Variants in IFIH1 observed in about 807,000 individuals in gnomAD.
IFIH1 encodes interferon-induced helicase C domain-containing protein 1.
A neutral mutation model predicts 107.4 loss-of-function variants in IFIH1; 125 were observed. The ratio of observed to expected loss-of-function variants is 1.16; its 90% CI spans 1.01 to 1.35. The LOEUF is 1.35. IFIH1 is among the 40% of genes most tolerant of loss of function. IFIH1 has a pLI of 0.00. For missense variants in IFIH1, 1,333 were observed against 1,213.7 expected (o/e 1.10, Z -1.46); for synonymous variants, 458 against 413.2 (o/e 1.11, Z -1.31).
chr2:162,290,963 A>G (rs1177103553), intron 4 of IFIH1, among the ~76,000 whole-genome samples: 5 of 151,862 alleles, frequency 3.3e-5, no homozygotes, highest in African/African-American at 9.7e-5. Context: ...GGCTGGTATC[A>G]ATGAGCCAGG....
chr2:162,267,985 A>T, intron 14 of IFIH1, 102 bp downstream of exon 14: 1 of 749,154 alleles, frequency 1.3e-6, no homozygotes, highest in South Asian at 2.4e-5. Context: ...AGGAAGTTGT[A>T]AAATAAATGA....
Position 162,282,346 on chromosome 2 carries a change from A to C in IFIH1, c.1306+20T>G. On this transcript the variant is annotated intron_variant, in intron 6 of 15. Coordinates refer to ENST00000649979, the MANE Select transcript of IFIH1 (RefSeq NM_022168.4). ...AATATTACTATTAATTTTTTTAAAA[A>C]AATAAACACTTAAACTGACCTGACA... is the stretch of plus-strand genomic sequence containing the variant. The C allele has an allele frequency of 1.3e-6, 2 of 1,520,544 alleles. No individual in the cohort carries two copies. Among genetic ancestry groups the C allele is most frequent in the South Asian group, 1.2e-5 (1 of 80,840 alleles). The allele number at this position is 1,520,544 out of a possible 1,614,324, so 94.2% of individuals were successfully genotyped here. A position where few individuals can be genotyped will look rare whatever the true frequency, so the allele number is the denominator to read the frequency against.
intron 4 of IFIH1, among the ~76,000 whole-genome samples, chr2:162,291,399 A>G (rs1295168303): frequency 2.6e-5 from 4 of 151,838 alleles, no homozygotes; most frequent in African/African-American, 7.2e-5. Flanking sequence ...TTATCTTGAA[A>G]TAGTAAGGAA....
At chr2:162,308,203 G>T (rs760342843) in intron 2 of IFIH1, among the ~76,000 whole-genome samples, 9 of 152,106 alleles carry the variant, frequency 5.9e-5, no homozygotes, top group Admixed American at 2.0e-4. Context: ...CAAGGTGACA[G>T]CAGGGTCAAT....
chr2:162,272,099 A>G (rs1278624180), intron 13 of IFIH1, 127 bp downstream of exon 13: 10 of 738,382 alleles, frequency 1.4e-5, no homozygotes, highest in Non-Finnish European at 2.3e-5. Flanking sequence ...GATTAAGCAC[A>G]GTTCACTAAA....
At chr2:162,293,996 G>C (rs1683043873) in intron 3 of IFIH1, among the ~76,000 whole-genome samples, 1 of 151,694 alleles carries the variant, frequency 6.6e-6, no homozygotes, top group South Asian at 2.1e-4. Context: ...ACACTATTTA[G>C]GTTTGATATG....
At chr2:162,278,133 C>A in intron 9 of IFIH1, 72 bp downstream of exon 9, 1 of 1,325,746 alleles carries the variant, frequency 7.5e-7, no homozygotes. Flanking sequence ...TTTGGGGAAT[C>A]TGTGATATAG....
At chr2:162,292,199 T>C (rs1031971132) in intron 4 of IFIH1, among the ~76,000 whole-genome samples, 1 of 151,844 alleles carries the variant, frequency 6.6e-6, no homozygotes, top group Admixed American at 6.6e-5. Flanking sequence ...CCTATAATGA[T>C]GTTAAATATT....
chr2:162,292,186 C>T (rs1255809735), intron 4 of IFIH1, among the ~76,000 whole-genome samples: 1 of 151,808 alleles, frequency 6.6e-6, no homozygotes, highest in Admixed American at 6.6e-5. Flanking sequence ...AAACTTAAAA[C>T]AACCTATAAT....
intron 1 of IFIH1, 121 bp downstream of exon 1, chr2:162,317,734 C>T: frequency 2.6e-6 from 2 of 767,512 alleles, no homozygotes; most frequent in South Asian, 1.8e-5. Flanking sequence ...GTTGTCTTCT[C>T]AAAGGAAGAA....
At position 162,276,943 on chromosome 2, in the gene IFIH1, T is replaced by C; in HGVS notation, c.2048A>G (p.Asn683Ser). The C allele has an allele frequency of 2.5e-6, 4 of 1,595,216 alleles. No homozygotes were observed. Among genetic ancestry groups the C allele is most frequent in the Non-Finnish European group, 3.4e-6 (4 of 1,173,064 alleles). Residue 683 changes from asparagine to serine, a missense_variant, in exon 11 of 16, where the codon AAC becomes AGC. Physicochemically the swap from Asn to Ser is conservative, Grantham distance 46. Transcript: ENST00000649979. ...DRFLMTLFFE[N>S]NKMLKRLAEN... ...AGCCAGCCTTTTCAACATTTTATTG[T>C]TTTCTTTAAGAAATAATTAGAGTTG...
At chr2:162,311,814 G>A (rs950419555) in intron 1 of IFIH1, among the ~76,000 whole-genome samples, 1 of 152,010 alleles carries the variant, frequency 6.6e-6, no homozygotes, top group African/African-American at 2.4e-5. Context: ...CCTAGACCTT[G>A]GTTACAATAT....
chr2:162,304,388 G>A, intron 3 of IFIH1, among the ~76,000 whole-genome samples: 1 of 152,110 alleles, frequency 6.6e-6, no homozygotes, highest in Admixed American at 6.5e-5. Flanking sequence ...CTTGCGCCTG[G>A]GAGGTCAAGG....
intron 11 of IFIH1, 63 bp from the exon 12 acceptor site, chr2:162,274,007 G>C: frequency 8.8e-7 from 1 of 1,132,016 alleles, no homozygotes; most frequent in East Asian, 2.5e-5. Context: ...CTTCTAATTA[G>C]AGGAAGAAAT....
chr2:162,303,967 A>C (rs1226851715), intron 3 of IFIH1, among the ~76,000 whole-genome samples: 3 of 152,186 alleles, frequency 2.0e-5, no homozygotes, highest in African/African-American at 7.2e-5. Flanking sequence ...GATGTCGAGT[A>C]GCTTGTAAAG....
intron 1 of IFIH1, 63 bp downstream of exon 1, chr2:162,317,792 C>T (rs1683530017): frequency 1.5e-6 from 2 of 1,374,732 alleles, no homozygotes; most frequent in African/African-American, 2.9e-5. Context: ...GGGGCAAACG[C>T]ACAAGGAAGC....
At chr2:162,313,548 C>A (rs2105232752) in intron 1 of IFIH1, among the ~76,000 whole-genome samples, 1 of 152,150 alleles carries the variant, frequency 6.6e-6, no homozygotes, top group East Asian at 1.9e-4. Context: ...GTGAAGAAAC[C>A]AATGACATTT....
chr2:162,276,692 T>C lies in IFIH1; in HGVS notation c.2299A>G (p.Thr767Ala), dbSNP rs766399254. 15 of 1,608,994 alleles carry C rather than the reference T, an allele frequency of 9.3e-6. No homozygotes were observed. Among genetic ancestry groups the C allele is most frequent in the Admixed American group, 1.7e-5 (1 of 58,778 alleles). Reference sequence around the variant, plus strand: ...GTCCAAAAGGATATTTATACCTGTGTCATGGGTTTGAACTCACTGCTGTGT... The same window carrying C: ...GTCCAAAAGGATATTTATACCTGTGCCATGGGTTTGAACTCACTGCTGTGT... ...AGHSSEFKPM[T>A]QNEQKEVISK... Residue 767 changes from threonine (T) to alanine (A), a missense_variant, in exon 11 of 16, where the codon ACA becomes GCA. Physicochemically the swap from Thr to Ala is moderately conservative, Grantham distance 58. Coordinates refer to ENST00000649979, the MANE Select transcript of IFIH1 (RefSeq NM_022168.4).
intron 2 of IFIH1, among the ~76,000 whole-genome samples, chr2:162,309,144 T>C (rs149861369): frequency 0.03 from 4,564 of 152,318 alleles, 410 homozygotes; most frequent in Admixed American, 0.21. Flanking sequence ...CTGTCACATC[T>C]TAAGGCTTAT....
Sources: allele counts gnomAD v4.1 joint callset (sites outside exome capture counted in the v4.1 genomes callset), GRCh38; gene constraint gnomAD v4.1.1; transcripts MANE v1.5; gene names NCBI Gene and HGNC (gene_info 2026-07-23, HGNC 2026-07-21).